Variants in NAT10 observed in about 807,000 individuals in gnomAD.
The protein encoded by NAT10 is N-acetyltransferase 10, also known as RNA cytidine acetyltransferase.
NAT10 carries 109 observed loss-of-function variants against 132.2 expected under a neutral mutation model. The observed-to-expected ratio is 0.82, with a 90% CI of 0.71 to 0.97. The LOEUF (loss-of-function observed/expected upper bound fraction) is 0.97. Among genes scored for constraint, NAT10 ranks in the 50% least tolerant of loss-of-function variants. The probability of loss-of-function intolerance (pLI) is 0.00; values close to 1 mark genes in which losing one functional copy is unlikely to be tolerated. For missense variants in NAT10, 1,184 were observed against 1,263.4 expected (o/e 0.94, Z 0.95); for synonymous variants, 479 against 478.0 (o/e 1.00, Z -0.03).
chr11:34,128,053 A>G (rs1852030754), intron 12 of NAT10, among the ~76,000 whole-genome samples: 2 of 152,154 alleles, frequency 1.3e-5, no homozygotes, highest in Admixed American at 1.3e-4. Flanking sequence ...AGAACAGGTA[A>G]GCAAAAGAAA....
chr11:34,131,563 A>T, intron 14 of NAT10, 32 bp downstream of exon 14: 1 of 1,586,288 alleles, frequency 6.3e-7, no homozygotes, highest in Non-Finnish European at 8.6e-7. Context: ...TGGCCCTGTG[A>T]AAAGGAGAGG....
intron 27 of NAT10, 90 bp from the exon 28 acceptor site, chr11:34,143,355 C>G: frequency 8.8e-7 from 1 of 1,137,270 alleles, no homozygotes; most frequent in Non-Finnish European, 1.3e-6. Flanking sequence ...CAGGAAGTGT[C>G]TGATAAGAAT....
At chr11:34,143,228 C>T (rs1468435462) in intron 27 of NAT10, among the ~76,000 whole-genome samples, 2 of 152,344 alleles carry the variant, frequency 1.3e-5, no homozygotes, top group African/African-American at 2.4e-5. Context: ...GACCCTCGCT[C>T]CTGTGGAGCT....
At chr11:34,108,460 G>A in intron 2 of NAT10, 127 bp downstream of exon 2, 3 of 769,440 alleles carry the variant, frequency 3.9e-6, no homozygotes, top group Non-Finnish European at 6.5e-6. Flanking sequence ...TGCCTAGTGG[G>A]AACCTTTCTT....
chr11:34,113,909 T>C, intron 5 of NAT10, 71 bp downstream of exon 5: 1 of 1,571,784 alleles, frequency 6.4e-7, no homozygotes, highest in South Asian at 1.2e-5. Flanking sequence ...CTGCTTTCTT[T>C]AAAGAATTCC....
intron 11 of NAT10, among the ~76,000 whole-genome samples, chr11:34,125,959 C>T (rs148590717): frequency 0.047 from 7,164 of 152,108 alleles, 257 homozygotes; most frequent in Non-Finnish European, 0.075. Context: ...CCAGCCTGGG[C>T]GACAGAGTGA....
In NAT10 at chr11:34,112,081, A is replaced by G; in HGVS notation, c.230A>G (p.Gln77Arg). 6.2e-7 allele frequency: 1 copy of G among 1,614,238 alleles called. No individual in the cohort carries two copies. Among genetic ancestry groups the G allele is most frequent in the East Asian group, 2.2e-5 (1 of 44,880 alleles). The change falls in exon 4 of 29, where the codon CAG (glutamine) becomes CGG (arginine). Residue 77 changes from glutamine to arginine, a missense_variant. Physicochemically the swap from Gln to Arg is conservative, Grantham distance 43. Transcript: ENST00000257829. ...SHRKKRMRQL[Q>R]KKIKNGTLNI... The stretch of plus-strand genomic sequence containing the variant: ...CGGAAGAAAAGAATGCGACAGCTGC[A>G]GAAGAAAATAAAGAATGGAACACTG...
At chr11:34,107,496 A>C (rs934527795) in intron 1 of NAT10, among the ~76,000 whole-genome samples, 3 of 152,228 alleles carry the variant, frequency 2.0e-5, no homozygotes, top group African/African-American at 7.2e-5. Context: ...CACCATCCAG[A>C]AGTAGCTACT....
In NAT10 at chr11:34,118,248, T is replaced by A. The variant is rs760221122; in HGVS notation, c.626T>A (p.Ile209Asn). Residue 209 changes from isoleucine (I) to asparagine (N), a missense_variant, in exon 7 of 29, where the codon ATC (isoleucine) becomes AAC (asparagine). Coordinates refer to ENST00000257829, the MANE Select transcript of NAT10 (RefSeq NM_024662.3). ...GATGACCAGCTCAACATCCTGCCCATCTCCTCCCACGTTGCCACCATGGAG... is the reference window on the plus strand; with the variant it reads ...GATGACCAGCTCAACATCCTGCCCAACTCCTCCCACGTTGCCACCATGGAG... ...VIDDQLNILP[I>N]SSHVATMEAL... 1 of 1,614,142 alleles carries A rather than the reference T, an allele frequency of 6.2e-7. No individual in the cohort carries two copies.
rs988502230 is a variant in NAT10, at chr11:34,131,833, C to T, written c.1521-292C>T. On this transcript the variant is annotated intron_variant, in intron 14 of 28. Coordinates refer to ENST00000257829, the MANE Select transcript of NAT10 (RefSeq NM_024662.3). ...CTTGAGTAGCTGGGATTACAGGTGC[C>T]AGCCACCACGTCTGGCTAATTTTTG... Among the ~76,000 whole-genome samples the T allele has an allele frequency of 2.0e-5, 3 of 151,928 alleles. No individual in the cohort carries two copies. The East Asian group carries it at 5.8e-4, about 29-fold the overall frequency.
chr11:34,136,764 C>G lies in NAT10; in HGVS notation c.2151C>G (p.Pro717=). The G allele has an allele frequency of 1.2e-6, 2 of 1,614,162 alleles. No individual in the cohort carries two copies. Among genetic ancestry groups the G allele is most frequent in the African/African-American group, 1.3e-5 (1 of 75,046 alleles). The change falls in exon 20 of 29, where the codon CCC becomes CCG. Residue 717 remains proline (P), a synonymous_variant. Transcript: ENST00000257829. ...TGGGTGTTTCCTATGGCTTGACCCCCAGGCTCCTCAAGTAAGTGCCTGCCC... is the reference window on the plus strand; with the variant it reads ...TGGGTGTTTCCTATGGCTTGACCCCGAGGCTCCTCAAGTAAGTGCCTGCCC... ...DYLGVSYGLT[P]RLLKFWKRAG... is the part of the protein sequence containing the mutation.
At chr11:34,118,579 C>T (rs1056936799) in intron 8 of NAT10, 76 bp downstream of exon 8, 43 of 1,223,816 alleles carry the variant, frequency 3.5e-5, no homozygotes, top group Non-Finnish European at 4.8e-5. Context: ...AGCCAAGGTA[C>T]GTTGACTCAA....
intron 14 of NAT10, among the ~76,000 whole-genome samples, chr11:34,131,868 T>TA (rs1852112459): frequency 6.6e-6 from 1 of 152,010 alleles, no homozygotes; most frequent in Non-Finnish European, 1.5e-5. Context: ...GTATTTTTAG[T>TA]AGAGACAGGG....
chr11:34,115,709 AT>A, intron 5 of NAT10, 113 bp from the exon 6 acceptor site: 2 of 977,198 alleles, frequency 2.0e-6, no homozygotes, highest in Non-Finnish European at 3.1e-6. Flanking sequence ...TGTGGGAGTG[AT>A]TTTGTTTCCA....
rs760332797 is a variant in NAT10 at position 34,108,703 on chromosome 11, CTT to C, written c.109-36_109-35del. 3.2e-6 allele frequency: 5 copies of C among 1,583,358 alleles called. No homozygotes were observed. The African/African-American group carries it at 5.5e-5, about 17-fold the overall frequency. Reference sequence around the variant, plus strand: ...TTAAGCCTGGCGGTCTCTAAAGTCTCTTTTGTGCCTGAAATTCTGTGACTTTT... The same window carrying C: ...TTAAGCCTGGCGGTCTCTAAAGTCTCTTGTGCCTGAAATTCTGTGACTTTT... On this transcript the variant is annotated intron_variant, in intron 2 of 28. Coordinates refer to ENST00000257829, the MANE Select transcript of NAT10 (RefSeq NM_024662.3).
In NAT10 at chr11:34,121,587, TGTG is replaced by T. The variant is rs1483636064; in HGVS notation, c.781-867_781-865del. The stretch of plus-strand genomic sequence containing the variant: ...AAAAGTCTGGTGTGGGCCAGCCAGG[TGTG>T]GTGGCTCACGCCTGTAATCCCAGCA... On this transcript the variant is annotated intron_variant, in intron 8 of 28. Transcript: ENST00000257829. 3.3e-5 allele frequency among the ~76,000 whole-genome samples: 5 copies of T among 151,782 alleles called. No individual in the cohort carries two copies. In the East Asian group the frequency reaches 9.7e-4, roughly 30 times the overall value.
intron 13 of NAT10, 114 bp downstream of exon 13, chr11:34,131,051 TG>T (rs1296623784): frequency 2.7e-6 from 4 of 1,460,124 alleles, no homozygotes; most frequent in Non-Finnish European, 3.7e-6. Flanking sequence ...ACCATCAGGC[TG>T]AGAGGTTGAG....
intron 6 of NAT10, among the ~76,000 whole-genome samples, chr11:34,117,284 A>G (rs945373969): frequency 1.3e-4 from 20 of 152,198 alleles, no homozygotes; most frequent in Admixed American, 1.2e-3. Flanking sequence ...TTTGACCTAA[A>G]TCAGTGGTTC....
chr11:34,114,590 A>G (rs1347631769), intron 5 of NAT10, among the ~76,000 whole-genome samples: 2 of 152,118 alleles, frequency 1.3e-5, no homozygotes, highest in African/African-American at 2.4e-5. Flanking sequence ...ATGTCCTCAG[A>G]CATGCCCAGC....
Sources: allele counts gnomAD v4.1 joint callset (sites outside exome capture counted in the v4.1 genomes callset), GRCh38; gene constraint gnomAD v4.1.1; transcripts MANE v1.5; gene names NCBI Gene and HGNC (gene_info 2026-07-23, HGNC 2026-07-21).